TTLL11: variants seen among roughly 807,000 people sequenced by gnomAD.
The protein encoded by TTLL11 is tubulin tyrosine ligase like 11, also known as tubulin polyglutamylase TTLL11.
TTLL11 carries 42 observed loss-of-function variants against 51.7 expected under a neutral mutation model. The observed-to-expected ratio is 0.81, with a 90% CI of 0.64 to 1.05. The LOEUF (loss-of-function observed/expected upper bound fraction) is 1.05. TTLL11 is among the 50% of genes least tolerant of loss of function. The pLI is 0.00. For synonymous variants in TTLL11, 381 were observed against 383.5 expected (o/e 0.99, Z 0.08); for missense variants, 799 against 940.4 (o/e 0.85, Z 1.97).
chr9:121,962,557 C>T (rs1021661543), intron 6 of TTLL11, among the ~76,000 whole-genome samples: 10 of 152,222 alleles, frequency 6.6e-5, no homozygotes, highest in African/African-American at 2.4e-4. Flanking sequence ...TATGACATTG[C>T]CATTCTTGTA....
At chr9:122,062,578 C>T (rs1241819067) in intron 1 of TTLL11, among the ~76,000 whole-genome samples, 1 of 142,048 alleles carries the variant, frequency 7.0e-6, no homozygotes, top group Non-Finnish European at 1.5e-5. Context: ...AAGCAATTCT[C>T]CTGCCTCAGC....
intron 6 of TTLL11, among the ~76,000 whole-genome samples, chr9:121,958,759 G>A (rs769889568): frequency 8.5e-5 from 13 of 152,128 alleles, no homozygotes; most frequent in Admixed American, 4.6e-4. Context: ...ACTACCTTGC[G>A]TGGTTGGGCA....
chr9:121,961,546 C>T (rs1232650163), intron 6 of TTLL11, among the ~76,000 whole-genome samples: 1 of 152,194 alleles, frequency 6.6e-6, no homozygotes, highest in African/African-American at 2.4e-5. Context: ...CTCTTCTACT[C>T]TACATTGAAA....
chr9:121,821,702 C>A lies in TTLL11; in HGVS notation c.*885G>T, dbSNP rs1461634460. ...GGCACCAGGTCTGACATACACTACT[C>A]CTCTTGCTCTGGTTCTTATCCATGT... On this transcript the variant is annotated 3_prime_UTR_variant, in exon 9 of 9. Coordinates refer to ENST00000321582, the MANE Select transcript of TTLL11 (RefSeq NM_001139442.2). This position sits in a 1 kb window ranked among gnomAD's most constrained non-coding sequence, Gnocchi z 5.0. Among the ~76,000 whole-genome samples, 1 of 152,170 alleles carries A rather than the reference C, an allele frequency of 6.6e-6. No homozygotes were observed. The highest frequency in any genetic ancestry group is 2.1e-4 in the South Asian group (1 of 4,818).
intron 1 of TTLL11, among the ~76,000 whole-genome samples, chr9:122,051,266 T>TAAC (rs1179297528): frequency 6.6e-6 from 1 of 152,180 alleles, no homozygotes; most frequent in African/African-American, 2.4e-5. Flanking sequence ...CCATGTTGGT[T>TAAC]TATCTCCAAA....
chr9:122,067,789 C>T (rs929558444), intron 1 of TTLL11, among the ~76,000 whole-genome samples: 4 of 152,202 alleles, frequency 2.6e-5, no homozygotes, highest in Admixed American at 6.5e-5. Flanking sequence ...AGGTGTGAGC[C>T]ACCATGCCCA....
At chr9:122,062,878 C>G (rs1336439901) in intron 1 of TTLL11, among the ~76,000 whole-genome samples, 1 of 152,040 alleles carries the variant, frequency 6.6e-6, no homozygotes, top group African/African-American at 2.4e-5. Flanking sequence ...CTCCCAGGCT[C>G]AAGCAATCCT....
chr9:121,839,719 C>T (rs1837293246), intron 8 of TTLL11, among the ~76,000 whole-genome samples: 1 of 150,690 alleles, frequency 6.6e-6, no homozygotes, highest in African/African-American at 2.5e-5. Flanking sequence ...CAACAGCAAC[C>T]CTCTTCCCCA....
chr9:121,976,343 G>C (rs1048950082), intron 4 of TTLL11, among the ~76,000 whole-genome samples: 1 of 152,174 alleles, frequency 6.6e-6, no homozygotes, highest in Non-Finnish European at 1.5e-5. Flanking sequence ...TCTCTGCCTA[G>C]AACAACTCTT....
intron 8 of TTLL11, among the ~76,000 whole-genome samples, chr9:121,848,361 C>G (rs1837576423): frequency 6.6e-6 from 1 of 152,154 alleles, no homozygotes; most frequent in South Asian, 2.1e-4. Flanking sequence ...AAAAGTCCCC[C>G]CCCTTACCAT....
chr9:122,075,143 A>T (rs1175515758), intron 1 of TTLL11, among the ~76,000 whole-genome samples: 1 of 152,264 alleles, frequency 6.6e-6, no homozygotes. Flanking sequence ...TTCATTTATC[A>T]TTAATAATCC....
chr9:121,928,593 ACC>A (rs1024359887), intron 6 of TTLL11, among the ~76,000 whole-genome samples: 2 of 152,050 alleles, frequency 1.3e-5, no homozygotes, highest in African/African-American at 4.8e-5. Flanking sequence ...GGTGCGCACG[ACC>A]ACACCCAGCT....
chr9:122,089,765 G>A (rs927068250), intron 1 of TTLL11, among the ~76,000 whole-genome samples: 5 of 152,078 alleles, frequency 3.3e-5, no homozygotes, highest in Non-Finnish European at 4.4e-5. Flanking sequence ...GAGTCTTATT[G>A]TTGCAAGTGA....
At chr9:122,017,014 C>A (rs542531226) in intron 3 of TTLL11, among the ~76,000 whole-genome samples, 4 of 152,278 alleles carry the variant, frequency 2.6e-5, no homozygotes, top group Admixed American at 1.3e-4. Context: ...CATTTGAGTA[C>A]CGGTTTTGCA....
intron 8 of TTLL11, among the ~76,000 whole-genome samples, chr9:121,826,553 G>GTATATATATATATATATATATATATA (rs1385087890): frequency 1.1e-3 from 49 of 45,180 alleles, no homozygotes; most frequent in Non-Finnish European, 1.5e-3. Context: ...ATATATATGT[G>GTATATATATATATATATATATATATA]TGTGTATATA....
At chr9:122,026,370 G>A (rs1258571279) in intron 3 of TTLL11, among the ~76,000 whole-genome samples, 1 of 151,560 alleles carries the variant, frequency 6.6e-6, no homozygotes. Flanking sequence ...CCTGGGAGGT[G>A]GAGGTTGTAG....
rs961190929 is a variant in TTLL11, at chr9:122,052,506, G to A, written c.463-13138C>T. 5.3e-5 allele frequency among the ~76,000 whole-genome samples: 8 copies of A among 152,304 alleles called. 1 individual carries two copies. In the East Asian group the frequency reaches 5.8e-4, roughly 11 times the overall value. ...ATAGTATGTTTGGACCACCTAGCAC[G>A]GGGCCTGGCACACAATGCTTGATGC... On this transcript the variant is annotated intron_variant, in intron 1 of 8. Transcript: ENST00000321582.
chr9:121,939,775 G>T (rs1463060085), intron 6 of TTLL11, among the ~76,000 whole-genome samples: 1 of 151,870 alleles, frequency 6.6e-6, no homozygotes, highest in Admixed American at 6.6e-5. Flanking sequence ...GGTGCTCATC[G>T]TACCCCATTT....
chr9:121,829,273 A>C (rs1836919291), intron 8 of TTLL11, among the ~76,000 whole-genome samples: 1 of 152,094 alleles, frequency 6.6e-6, no homozygotes, highest in Non-Finnish European at 1.5e-5. Context: ...TCTTCAAAAA[A>C]ATTTTTAAAA....
Sources: gnomAD v4.1 joint callset for allele counts (sites outside exome capture counted in the v4.1 genomes callset) on GRCh38, gnomAD v4.1.1 for gene constraint, Gnocchi (gnomAD v3.1) non-coding constraint, MANE v1.5 for transcripts, NCBI Gene and HGNC (gene_info 2026-07-23, HGNC 2026-07-21) for gene names.